PHF2: variants seen among roughly 807,000 people sequenced by gnomAD.
PHF2 encodes lysine-specific demethylase PHF2.
PHF2 carries 27 observed loss-of-function variants against 120.5 expected under a neutral mutation model. The observed-to-expected ratio is 0.22, with a 90% confidence interval of 0.17 to 0.31. The LOEUF is 0.31. Among genes scored for constraint, PHF2 ranks in the 10% least tolerant of loss-of-function variants. PHF2 has a pLI of 1.00. For synonymous variants in PHF2, 568 were observed against 592.5 expected (o/e 0.96, Z 0.60); for missense variants, 1,024 against 1,434.8 (o/e 0.71, Z 4.63).
At chr9:93,627,345 C>G (rs906933665) in intron 1 of PHF2, among the ~76,000 whole-genome samples, 5 of 151,978 alleles carry the variant, frequency 3.3e-5, no homozygotes, top group African/African-American at 2.4e-5. Context: ...TGTTTTTGCA[C>G]CTACACCTTC....
At chr9:93,669,544 C>G (rs1587719564) in intron 17 of PHF2, among the ~76,000 whole-genome samples, 1 of 152,202 alleles carries the variant, frequency 6.6e-6, no homozygotes, top group African/African-American at 2.4e-5. Flanking sequence ...CCTGCTCAGT[C>G]CCTGTGAAAC....
intron 1 of PHF2, among the ~76,000 whole-genome samples, chr9:93,618,790 CTG>C (rs1167969281): frequency 3.2e-5 from 2 of 62,534 alleles, no homozygotes; most frequent in Non-Finnish European, 6.8e-5. Flanking sequence ...GTGTTTGTAT[CTG>C]TGTATTTCTG....
chr9:93,660,236 G>A lies in PHF2; in HGVS notation c.1374G>A (p.Ser458=), dbSNP rs765204086. 1.6e-5 allele frequency: 25 copies of A among 1,596,498 alleles called. No homozygotes were observed. The highest frequency in any genetic ancestry group is 1.3e-4 in the South Asian group (11 of 87,998). Residue 458 remains serine (S), a synonymous_variant, in exon 12 of 22, where the codon TCG becomes TCA. Coordinates refer to ENST00000359246, the MANE Select transcript of PHF2 (RefSeq NM_005392.4). ...AVRPEVNTVA[S]SDEVCDGDRE... is the part of the protein sequence containing the mutation. ...GACCGGAAGTGAATACTGTCGCCTCGTCAGATGAGGTGTGTGACGGGGACC... is the reference window on the plus strand; with the variant it reads ...GACCGGAAGTGAATACTGTCGCCTCATCAGATGAGGTGTGTGACGGGGACC...
Position 93,656,611 on chromosome 9 carries a change from G to T in PHF2, c.1147+16G>T, listed in dbSNP as rs1587710434. The T allele has an allele frequency of 1.0e-5, 16 of 1,580,908 alleles. No homozygotes were observed. The African/African-American group carries it at 1.5e-4, about 15-fold the overall frequency. On this transcript the variant is annotated intron_variant, in intron 9 of 21. Coordinates refer to ENST00000359246, the MANE Select transcript of PHF2 (RefSeq NM_005392.4). The surrounding 1 kb of genome is among the most constrained non-coding windows in gnomAD (Gnocchi z 4.1). ...GCATTCAAAGGTACTGGTCACTCCG[G>T]GGTGGGCGTCCAAGCCTGGGGCTCT...
chr9:93,649,623 A>G (rs1207161293), intron 5 of PHF2, among the ~76,000 whole-genome samples: 4 of 151,936 alleles, frequency 2.6e-5, no homozygotes, highest in Non-Finnish European at 5.9e-5. Flanking sequence ...ACTTCCGGAC[A>G]CACAACATTC....
chr9:93,611,841 T>C (rs1825640928), intron 1 of PHF2, among the ~76,000 whole-genome samples: 1 of 152,170 alleles, frequency 6.6e-6, no homozygotes, highest in South Asian at 2.1e-4. Context: ...TTTAAAGTCC[T>C]TGATGGGTAG....
At chr9:93,665,656 A>T (rs1291062652) in intron 14 of PHF2, 30 bp from the exon 15 acceptor site, 1 of 1,606,620 alleles carries the variant, frequency 6.2e-7, no homozygotes, top group South Asian at 1.1e-5. Flanking sequence ...GGCTATGTGG[A>T]TGCTGCTGAC....
chr9:93,659,023 G>T (rs1826512350), intron 10 of PHF2, among the ~76,000 whole-genome samples: 1 of 152,232 alleles, frequency 6.6e-6, no homozygotes, highest in African/African-American at 2.4e-5. Context: ...GCCAGAGAAG[G>T]CCAGTGGAGA....
At chr9:93,663,096 T>C (rs1053603357) in intron 13 of PHF2, 70 bp downstream of exon 13, 9 of 1,590,084 alleles carry the variant, frequency 5.7e-6, no homozygotes, top group Admixed American at 3.4e-5. Flanking sequence ...GGTGAATCTG[T>C]GAGGCCCTGT....
At chr9:93,654,876 C>A (rs547371484) in intron 7 of PHF2, among the ~76,000 whole-genome samples, 1 of 152,286 alleles carries the variant, frequency 6.6e-6, no homozygotes, top group East Asian at 1.9e-4. Flanking sequence ...CAGCCAGTCA[C>A]CCGCCTTCTC....
intron 1 of PHF2, among the ~76,000 whole-genome samples, chr9:93,598,555 C>T (rs1308230327): frequency 2.0e-5 from 3 of 152,152 alleles, no homozygotes; most frequent in Non-Finnish European, 4.4e-5. Flanking sequence ...ACCCTTGTCC[C>T]ATCACCTGCT....
At chr9:93,675,611 GC>G (rs1826895646) in intron 19 of PHF2, 68 bp from the exon 20 acceptor site, 2 of 1,246,414 alleles carry the variant, frequency 1.6e-6, no homozygotes, top group Admixed American at 3.6e-5. Flanking sequence ...GGGCAGGGTA[GC>G]CCCAAACCAG....
At chr9:93,607,729 T>C (rs1210147688) in intron 1 of PHF2, among the ~76,000 whole-genome samples, 1 of 152,216 alleles carries the variant, frequency 6.6e-6, no homozygotes, top group Non-Finnish European at 1.5e-5. Context: ...TATATTTATA[T>C]CTAATTATTT....
At chr9:93,644,405 A>AT (rs1244610610) in intron 3 of PHF2, among the ~76,000 whole-genome samples, 2 of 150,778 alleles carry the variant, frequency 1.3e-5, no homozygotes, top group Non-Finnish European at 3.0e-5. Flanking sequence ...AAAAAAAAAA[A>AT]TTCCAGCAGC....
chr9:93,605,538 A>G (rs2994370), intron 1 of PHF2, among the ~76,000 whole-genome samples: 47,363 of 151,970 alleles, frequency 0.31, 8,150 homozygotes, highest in South Asian at 0.6. Context: ...TCTGATAACC[A>G]CTGATGTTTT....
chr9:93,659,558 A>G lies in PHF2; in HGVS notation c.1287A>G (p.Ser429=). Reference sequence around the variant, plus strand: ...AGCTCCCGGAGCACTTCAAACCTTCACAGCTAATCAAAGACCTGGCCAAAG... The same window carrying G: ...AGCTCCCGGAGCACTTCAAACCTTCGCAGCTAATCAAAGACCTGGCCAAAG... ...EDELPEHFKP[S]QLIKDLAKEI... is the part of the protein sequence containing the mutation. Residue 429 remains serine, a synonymous_variant, in exon 11 of 22, where the codon TCA becomes TCG. Transcript: ENST00000359246. 1 of 1,614,094 alleles carries G rather than the reference A, an allele frequency of 6.2e-7. No homozygotes were observed. The highest frequency in any genetic ancestry group is 8.5e-7 in the Non-Finnish European group (1 of 1,180,008).
At chr9:93,583,082 C>T (rs1475345190) in intron 1 of PHF2, among the ~76,000 whole-genome samples, 2 of 152,168 alleles carry the variant, frequency 1.3e-5, no homozygotes, top group Admixed American at 1.3e-4. Context: ...CCCACTAGCC[C>T]CTGACAACTA....
intron 4 of PHF2, among the ~76,000 whole-genome samples, chr9:93,647,687 C>T (rs898821712): frequency 6.6e-6 from 1 of 152,054 alleles, no homozygotes; most frequent in African/African-American, 2.4e-5. Flanking sequence ...GCCAGGAGTT[C>T]GAGACCAGCC....
intron 16 of PHF2, 139 bp downstream of exon 16, chr9:93,666,199 A>T: frequency 1.4e-6 from 1 of 705,438 alleles, no homozygotes; most frequent in Non-Finnish European, 2.4e-6. Flanking sequence ...CCCTCACCCC[A>T]CCCTTTCATG....
Sources: gnomAD v4.1 joint callset for allele counts (sites outside exome capture counted in the v4.1 genomes callset) on GRCh38, gnomAD v4.1.1 for gene constraint, Gnocchi (gnomAD v3.1) non-coding constraint, MANE v1.5 for transcripts, NCBI Gene and HGNC (gene_info 2026-07-23, HGNC 2026-07-21) for gene names.